Variants in MYO1E observed in about 807,000 individuals in gnomAD.
MYO1E encodes the protein myosin IE, also known as unconventional myosin-Ie.
Under a neutral mutation model 151.1 loss-of-function variants are expected in MYO1E, and 68 were observed. That is an observed-to-expected ratio of 0.45 (90% CI 0.37 to 0.55). The LOEUF is 0.55. Ranked by LOEUF, MYO1E falls within the 20% of genes least tolerant of loss-of-function variation. The pLI is 0.00. For synonymous variants in MYO1E, 601 were observed against 501.7 expected, an observed-to-expected ratio of 1.20 and a Z score of -2.64; for missense variants, 1,363 against 1,389.3, an observed-to-expected ratio of 0.98 and a Z score of 0.30.
At chr15:59,318,941 T>TG (rs2080606797) in intron 1 of MYO1E, among the ~76,000 whole-genome samples, 1 of 151,980 alleles carries the variant, frequency 6.6e-6, no homozygotes, top group Admixed American at 6.6e-5. Context: ...GACATGACAG[T>TG]GGGTTAAGAA....
chr15:59,205,188 T>C (rs1252120209), intron 15 of MYO1E, among the ~76,000 whole-genome samples: 1 of 152,226 alleles, frequency 6.6e-6, no homozygotes, highest in East Asian at 1.9e-4. Flanking sequence ...AGTGTTCCTA[T>C]GTTGCCTGGC....
At chr15:59,156,148 C>T (rs1403632908) in intron 25 of MYO1E, among the ~76,000 whole-genome samples, 1 of 152,148 alleles carries the variant, frequency 6.6e-6, no homozygotes, top group African/African-American at 2.4e-5. Context: ...AGGCATGTGC[C>T]ACCATGTCCA....
chr15:59,329,145 T>C (rs867953632), intron 1 of MYO1E, among the ~76,000 whole-genome samples: 4 of 152,172 alleles, frequency 2.6e-5, no homozygotes, highest in African/African-American at 9.7e-5. Flanking sequence ...ATTTAACAAA[T>C]GTGTGTTGAG....
intron 12 of MYO1E, among the ~76,000 whole-genome samples, chr15:59,212,977 C>G (rs1321245742): frequency 6.6e-6 from 1 of 151,936 alleles, no homozygotes; most frequent in Non-Finnish European, 1.5e-5. Flanking sequence ...GAGTGTGGCC[C>G]TGAGGACTTC....
At chr15:59,309,829 G>T (rs1478518760) in intron 1 of MYO1E, among the ~76,000 whole-genome samples, 2 of 152,190 alleles carry the variant, frequency 1.3e-5, no homozygotes, top group South Asian at 4.1e-4. Context: ...GAGACAAAGA[G>T]AAGCTTGTCT....
At chr15:59,227,136 C>A (rs1402213671) in intron 7 of MYO1E, among the ~76,000 whole-genome samples, 1 of 152,200 alleles carries the variant, frequency 6.6e-6, no homozygotes, top group African/African-American at 2.4e-5. Context: ...GCTCTACCTC[C>A]TTCACACCTC....
intron 4 of MYO1E, among the ~76,000 whole-genome samples, chr15:59,249,160 A>C (rs2080148841): frequency 6.6e-6 from 1 of 152,184 alleles, no homozygotes. Flanking sequence ...GCGGTGGCTC[A>C]CGCCTGTAAT....
At chr15:59,140,705 A>G (rs2079403800) in intron 26 of MYO1E, among the ~76,000 whole-genome samples, 3 of 152,206 alleles carry the variant, frequency 2.0e-5, no homozygotes, top group Non-Finnish European at 2.9e-5. Flanking sequence ...ACAGATGTTC[A>G]TGGGGTGCTG....
chr15:59,304,169 G>A (rs772789850), intron 1 of MYO1E, among the ~76,000 whole-genome samples: 1 of 152,032 alleles, frequency 6.6e-6, no homozygotes, highest in Non-Finnish European at 1.5e-5. Context: ...TTTTAGTAGA[G>A]ATGAGGTTTC....
intron 2 of MYO1E, among the ~76,000 whole-genome samples, chr15:59,264,738 G>T (rs983068371): frequency 2.0e-5 from 3 of 152,138 alleles, no homozygotes; most frequent in Non-Finnish European, 4.4e-5. Context: ...TTGAATGAAC[G>T]AGCAGGTTGT....
chr15:59,151,087 A>G (rs1294583933), intron 26 of MYO1E, among the ~76,000 whole-genome samples: 3 of 151,864 alleles, frequency 2.0e-5, no homozygotes, highest in African/African-American at 7.3e-5. Context: ...AGAGGTCTAC[A>G]TAAGGGCGGC....
At chr15:59,296,174 G>A (rs559952708) in intron 1 of MYO1E, among the ~76,000 whole-genome samples, 139 of 152,296 alleles carry the variant, frequency 9.1e-4, no homozygotes, top group African/African-American at 3.2e-3. Flanking sequence ...ATCACGCTGT[G>A]GATAAAGGAC....
intron 1 of MYO1E, among the ~76,000 whole-genome samples, chr15:59,285,327 G>A (rs1388892608): frequency 2.1e-4 from 1 of 4,878 alleles, no homozygotes; most frequent in Non-Finnish European, 1.4e-3. Context: ...AGAACAGCCT[G>A]GGCAACACGC....
At chr15:59,372,017 G>T (rs1271910494) in intron 1 of MYO1E, among the ~76,000 whole-genome samples, 5 of 149,906 alleles carry the variant, frequency 3.3e-5, no homozygotes, top group Non-Finnish European at 7.4e-5. Context: ...GCCGGGCAGC[G>T]GAGCGGCGGC....
At chr15:59,327,900 G>C (rs546109175) in intron 1 of MYO1E, among the ~76,000 whole-genome samples, 1 of 152,236 alleles carries the variant, frequency 6.6e-6, no homozygotes, top group African/African-American at 2.4e-5. Flanking sequence ...GACATGTCTT[G>C]GGAAGGGCTG....
intron 1 of MYO1E, among the ~76,000 whole-genome samples, chr15:59,287,595 G>A (rs916252592): frequency 9.9e-5 from 15 of 152,152 alleles, no homozygotes; most frequent in Non-Finnish European, 1.8e-4. Flanking sequence ...GCAGGTCCTC[G>A]GATGACGCCA....
intron 1 of MYO1E, among the ~76,000 whole-genome samples, chr15:59,338,277 G>T (rs2080741980): frequency 2.1e-5 from 3 of 141,368 alleles, no homozygotes; most frequent in African/African-American, 2.5e-5. Flanking sequence ...AACTAGATCA[G>T]TATTGACTTT....
chr15:59,372,244 T>C (rs528871436), intron 1 of MYO1E, among the ~76,000 whole-genome samples: 28 of 152,094 alleles, frequency 1.8e-4, no homozygotes, highest in Admixed American at 1.6e-3. Context: ...CTGGCAGCCA[T>C]AGCAACCCGG....
At chr15:59,329,026 C>A (rs1376342439) in intron 1 of MYO1E, among the ~76,000 whole-genome samples, 1 of 152,188 alleles carries the variant, frequency 6.6e-6, no homozygotes, top group African/African-American at 2.4e-5. Context: ...ACGAAGATGA[C>A]TGTTATCAAC....
Sources: gnomAD v4.1 joint callset for allele counts (sites outside exome capture counted in the v4.1 genomes callset) on GRCh38, gnomAD v4.1.1 for gene constraint, MANE v1.5 for transcripts, NCBI Gene and HGNC (gene_info 2026-07-23, HGNC 2026-07-21) for gene names.